Variants in CTDSPL2 observed in about 807,000 individuals in gnomAD.
CTDSPL2 encodes CTD small phosphatase like 2.
Under a neutral mutation model 60.0 loss-of-function variants are expected in CTDSPL2, and 5 were observed. That is an observed-to-expected ratio of 0.08 (90% CI 0.04 to 0.18). The LOEUF (loss-of-function observed/expected upper bound fraction) is 0.18, where lower values mean the gene tolerates loss of function less well. Among genes scored for constraint, CTDSPL2 ranks in the 10% least tolerant of loss-of-function variants. The probability of loss-of-function intolerance (pLI) is 1.00; values close to 1 mark genes in which losing one functional copy is unlikely to be tolerated. For synonymous variants in CTDSPL2, 186 were observed against 189.3 expected (o/e 0.98, Z 0.14); for missense variants, 370 against 548.8 (o/e 0.67, Z 3.26).
intron 5 of CTDSPL2, among the ~76,000 whole-genome samples, chr15:44,491,308 T>C (rs2081209958): frequency 1.3e-5 from 2 of 152,210 alleles, no homozygotes; most frequent in Non-Finnish European, 2.9e-5. Context: ...TCCTTATTAT[T>C]ATTGCACAAG....
At chr15:44,467,793 T>C (rs2080726014) in intron 2 of CTDSPL2, among the ~76,000 whole-genome samples, 1 of 152,188 alleles carries the variant, frequency 6.6e-6, no homozygotes, top group Non-Finnish European at 1.5e-5. Context: ...CAGGCTGGTC[T>C]TGAACTCCTG....
intron 1 of CTDSPL2, among the ~76,000 whole-genome samples, chr15:44,452,510 G>A (rs1230492305): frequency 6.6e-6 from 1 of 152,000 alleles, no homozygotes; most frequent in Non-Finnish European, 1.5e-5. Context: ...GAATATTTTT[G>A]TAAAAATATA....
chr15:44,481,685 T>C (rs2081029448), intron 2 of CTDSPL2, among the ~76,000 whole-genome samples: 2 of 152,182 alleles, frequency 1.3e-5, no homozygotes, highest in African/African-American at 2.4e-5. Context: ...GCGATTCTTC[T>C]GCCTCAGCCT....
chr15:44,526,552 A>G lies in CTDSPL2; in HGVS notation c.*2378A>G, dbSNP rs895220396. The G allele has an allele frequency of 1.1e-4, 17 of 152,298 alleles. No homozygotes were observed. Among genetic ancestry groups the G allele is most frequent in the African/African-American group, 4.1e-4 (17 of 41,572 alleles). The allele number at this position is 152,298 out of a possible 1,614,324, so 9.4% of individuals were successfully genotyped here. ...AGAAAATTTTTTATGGCTTGAGAAA[A>G]TTCCTTGAGGCCAAATTAATATATT... On this transcript the variant is annotated 3_prime_UTR_variant, in exon 13 of 13. Transcript: ENST00000260327.
chr15:44,443,141 GT>G (rs2080127001), intron 1 of CTDSPL2, among the ~76,000 whole-genome samples: 1 of 152,142 alleles, frequency 6.6e-6, no homozygotes, highest in South Asian at 2.1e-4. Flanking sequence ...CATTCACCTT[GT>G]TGTCTACCAT....
chr15:44,485,633 G>A (rs1179125785), intron 3 of CTDSPL2, among the ~76,000 whole-genome samples: 1 of 152,180 alleles, frequency 6.6e-6, no homozygotes, highest in African/African-American at 2.4e-5. Flanking sequence ...CCTGCTCTGC[G>A]GCCCAGTTCC....
At chr15:44,492,147 C>G (rs774759169) in intron 5 of CTDSPL2, among the ~76,000 whole-genome samples, 6 of 152,158 alleles carry the variant, frequency 3.9e-5, no homozygotes, top group Non-Finnish European at 5.9e-5. Context: ...GGGATTACAA[C>G]TGTGAGCCAT....
At chr15:44,511,321 A>AAATATATATT (rs2081561437) in intron 8 of CTDSPL2, among the ~76,000 whole-genome samples, 1 of 152,236 alleles carries the variant, frequency 6.6e-6, no homozygotes, top group African/African-American at 2.4e-5. Flanking sequence ...AAGTATAGTT[A>AAATATATATT]AAGTAGTAGT....
At chr15:44,457,198 C>T (rs1188872435) in intron 1 of CTDSPL2, among the ~76,000 whole-genome samples, 1 of 152,174 alleles carries the variant, frequency 6.6e-6, no homozygotes, top group African/African-American at 2.4e-5. Context: ...CAGGCACTGA[C>T]TTCTCATAGC....
intron 1 of CTDSPL2, among the ~76,000 whole-genome samples, chr15:44,443,173 T>C (rs2141286803): frequency 6.6e-6 from 1 of 152,304 alleles, no homozygotes; most frequent in South Asian, 2.1e-4. Context: ...AACTTTTTCA[T>C]CTTCTCAAAC....
At chr15:44,463,180 C>T (rs570477864) in intron 2 of CTDSPL2, among the ~76,000 whole-genome samples, 3 of 151,620 alleles carry the variant, frequency 2.0e-5, no homozygotes, top group East Asian at 3.9e-4. Flanking sequence ...CTTGCTCTGT[C>T]GCCCAGGTTG....
Position 44,526,745 on chromosome 15 carries a change from T to A in CTDSPL2, c.*2571T>A, listed in dbSNP as rs563409264. ...TAGATGTAAAAAACTTCCATTTAGT[T>A]AATCGGAGGTGTGTATTTTTTAAAT... On this transcript the variant is annotated 3_prime_UTR_variant, in exon 13 of 13. Transcript: ENST00000260327. The A allele has an allele frequency of 6.6e-6, 1 of 152,258 alleles. No homozygotes were observed. Among genetic ancestry groups the A allele is most frequent in the East Asian group, 1.9e-4 (1 of 5,186 alleles). 9.4% of individuals were successfully genotyped at this position (152,258 alleles called of 1,614,324 possible).
chr15:44,508,846 A>T (rs2081517713), intron 8 of CTDSPL2, among the ~76,000 whole-genome samples: 2 of 152,114 alleles, frequency 1.3e-5, no homozygotes, highest in South Asian at 4.1e-4. Flanking sequence ...TGAACCCGGG[A>T]GGTGGAGGTT....
At chr15:44,493,083 C>T (rs954259202) in intron 5 of CTDSPL2, among the ~76,000 whole-genome samples, 1 of 151,840 alleles carries the variant, frequency 6.6e-6, no homozygotes. Context: ...TTTATGAGCA[C>T]CTTTTTTTTT....
At chr15:44,484,151 T>C in intron 2 of CTDSPL2, 73 bp from the exon 3 acceptor site, 1 of 1,350,136 alleles carries the variant, frequency 7.4e-7, no homozygotes, top group Non-Finnish European at 1.0e-6. Context: ...ACCGTATTTT[T>C]TCATTTTAAT....
intron 2 of CTDSPL2, among the ~76,000 whole-genome samples, chr15:44,466,692 C>G (rs1310256380): frequency 6.6e-6 from 1 of 151,970 alleles, no homozygotes; most frequent in Non-Finnish European, 1.5e-5. Flanking sequence ...TGCCTATAAT[C>G]CCAGCACTTT....
At chr15:44,491,462 C>G (rs532137280) in intron 5 of CTDSPL2, among the ~76,000 whole-genome samples, 4 of 152,228 alleles carry the variant, frequency 2.6e-5, no homozygotes, top group Non-Finnish European at 4.4e-5. Context: ...TGACTTGGAA[C>G]CTTATAAAGG....
At chr15:44,524,019 ATG>A (rs2081833627) in intron 12 of CTDSPL2, 88 bp from the exon 13 acceptor site, 1 of 948,672 alleles carries the variant, frequency 1.1e-6, no homozygotes, top group Admixed American at 1.9e-5. Flanking sequence ...AAAAACTGGT[ATG>A]TTTTCTCTGC....
chr15:44,462,213 G>C (rs1218993489), intron 2 of CTDSPL2, among the ~76,000 whole-genome samples: 1 of 152,218 alleles, frequency 6.6e-6, no homozygotes, highest in Non-Finnish European at 1.5e-5. Context: ...CAAAGTGTGA[G>C]CCACTGAGCC....
Sources: allele counts gnomAD v4.1 joint callset (sites outside exome capture counted in the v4.1 genomes callset), GRCh38; gene constraint gnomAD v4.1.1; transcripts MANE v1.5; gene names NCBI Gene and HGNC (gene_info 2026-07-23, HGNC 2026-07-21).